CNTNAP2: variants seen among roughly 807,000 people sequenced by gnomAD.
The protein encoded by CNTNAP2 is contactin-associated protein-like 2.
Under a neutral mutation model 155.2 loss-of-function variants are expected in CNTNAP2, and 98 were observed. The ratio of observed to expected loss-of-function variants is 0.63; its 90% CI spans 0.54 to 0.75. The LOEUF (loss-of-function observed/expected upper bound fraction) is 0.75, where lower values mean the gene tolerates loss of function less well. CNTNAP2 is among the 30% of genes least tolerant of loss of function. The probability of loss-of-function intolerance (pLI) is 0.00; values close to 1 mark genes in which losing one functional copy is unlikely to be tolerated. For missense variants in CNTNAP2, 1,727 were observed against 1,688.1 expected (o/e 1.02, Z -0.40); for synonymous variants, 651 against 631.2 (o/e 1.03, Z -0.47).
chr7:147,026,830 C>G (rs1798930009), intron 3 of CNTNAP2, among the ~76,000 whole-genome samples: 1 of 150,400 alleles, frequency 6.6e-6, no homozygotes, highest in South Asian at 2.1e-4. Flanking sequence ...AAAATAAGCT[C>G]TCTACTTCTT....
chr7:147,088,738 A>G (rs1800333372), intron 4 of CNTNAP2, among the ~76,000 whole-genome samples: 1 of 152,128 alleles, frequency 6.6e-6, no homozygotes, highest in South Asian at 2.1e-4. Context: ...TGAGCCTACG[A>G]GTTCAAGATC....
At chr7:147,626,713 C>T (rs1794984390) in intron 12 of CNTNAP2, among the ~76,000 whole-genome samples, 1 of 152,186 alleles carries the variant, frequency 6.6e-6, no homozygotes, top group Admixed American at 6.5e-5. Context: ...GGCCAACCAA[C>T]TCAGGCCATT....
chr7:147,372,134 A>C (rs562658764), intron 9 of CNTNAP2, among the ~76,000 whole-genome samples: 1 of 152,246 alleles, frequency 6.6e-6, no homozygotes, highest in South Asian at 2.1e-4. Flanking sequence ...TCAGGCTGTC[A>C]TTCCATGTTA....
chr7:147,990,204 G>A (rs561681816), intron 15 of CNTNAP2, among the ~76,000 whole-genome samples: 37 of 152,298 alleles, frequency 2.4e-4, no homozygotes, highest in Non-Finnish European at 3.8e-4. Flanking sequence ...GGGTGAGGTC[G>A]GGGGAAGCTT....
At chr7:147,444,145 T>G (rs1358527653) in intron 10 of CNTNAP2, among the ~76,000 whole-genome samples, 1 of 152,248 alleles carries the variant, frequency 6.6e-6, no homozygotes, top group Non-Finnish European at 1.5e-5. Flanking sequence ...ATGTTGATAG[T>G]GAATCTATTT....
intron 1 of CNTNAP2, among the ~76,000 whole-genome samples, chr7:146,565,144 C>T (rs1206069416): frequency 6.6e-6 from 1 of 151,892 alleles, no homozygotes; most frequent in Non-Finnish European, 1.5e-5. Context: ...AACACACACA[C>T]ACATACACAC....
chr7:147,261,196 T>G (rs1165999470), intron 8 of CNTNAP2, among the ~76,000 whole-genome samples: 1 of 152,222 alleles, frequency 6.6e-6, no homozygotes, highest in Non-Finnish European at 1.5e-5. Flanking sequence ...GGTCACCCAT[T>G]AAATCACATG....
intron 6 of CNTNAP2, among the ~76,000 whole-genome samples, chr7:147,125,956 T>G (rs975445556): frequency 1.3e-5 from 2 of 152,190 alleles, no homozygotes; most frequent in Admixed American, 1.3e-4. Context: ...TTGCTCTTCC[T>G]CTATCCCTGT....
intron 1 of CNTNAP2, among the ~76,000 whole-genome samples, chr7:146,438,788 T>C (rs984668023): frequency 6.6e-6 from 1 of 151,646 alleles, no homozygotes; most frequent in Non-Finnish European, 1.5e-5. Flanking sequence ...TTATTGAGCT[T>C]TGGTTGATAT....
intron 1 of CNTNAP2, among the ~76,000 whole-genome samples, chr7:146,355,666 T>A (rs1162340568): frequency 1.3e-5 from 2 of 152,216 alleles, no homozygotes; most frequent in African/African-American, 4.8e-5. Flanking sequence ...TACAGTTAGA[T>A]ACTATAAGTG....
chr7:146,303,753 G>A (rs1800656758), intron 1 of CNTNAP2, among the ~76,000 whole-genome samples: 1 of 152,112 alleles, frequency 6.6e-6, no homozygotes, highest in Non-Finnish European at 1.5e-5. Context: ...CTTGATTTGG[G>A]GTGAAGAGTT....
At chr7:147,503,537 A>G (rs994452636) in intron 11 of CNTNAP2, among the ~76,000 whole-genome samples, 13 of 151,982 alleles carry the variant, frequency 8.6e-5, no homozygotes, top group African/African-American at 2.7e-4. Context: ...CAGCTCCGTT[A>G]TGCCATCCCC....
At chr7:146,839,272 A>G (rs1428304887) in intron 2 of CNTNAP2, among the ~76,000 whole-genome samples, 2 of 152,092 alleles carry the variant, frequency 1.3e-5, no homozygotes, top group Non-Finnish European at 2.9e-5. Context: ...TCACAAGAAA[A>G]ATATATTTTA....
intron 5 of CNTNAP2, among the ~76,000 whole-genome samples, chr7:147,117,860 G>T (rs557495435): frequency 6.6e-6 from 1 of 152,110 alleles, no homozygotes; most frequent in East Asian, 1.9e-4. Context: ...AGACACAATA[G>T]CTTCTATAAC....
chr7:147,639,341 A>ATCTCAGC (rs1286948099), intron 13 of CNTNAP2, 35 bp downstream of exon 13: 2 of 1,594,892 alleles, frequency 1.3e-6, no homozygotes, highest in Non-Finnish European at 1.7e-6. Flanking sequence ...TTTAATCACT[A>ATCTCAGC]TCTCAGCTGG....
intron 1 of CNTNAP2, among the ~76,000 whole-genome samples, chr7:146,307,258 A>G (rs1057204599): frequency 2.6e-5 from 4 of 152,164 alleles, no homozygotes; most frequent in Non-Finnish European, 5.9e-5. Context: ...AATACCTAGG[A>G]ATGCAACTTA....
intron 1 of CNTNAP2, among the ~76,000 whole-genome samples, chr7:146,666,675 T>A (rs1469929088): frequency 2.0e-5 from 3 of 152,202 alleles, no homozygotes; most frequent in Admixed American, 2.0e-4. Flanking sequence ...GTTTTGTCTT[T>A]TTGATAATAG....
chr7:147,194,281 C>T (rs1390085354), intron 8 of CNTNAP2, among the ~76,000 whole-genome samples: 1 of 152,062 alleles, frequency 6.6e-6, no homozygotes, highest in Non-Finnish European at 1.5e-5. Context: ...TTATGGCCGC[C>T]TAGTATTCCA....
chr7:146,698,491 A>G (rs1179469383), intron 1 of CNTNAP2, among the ~76,000 whole-genome samples: 1 of 152,108 alleles, frequency 6.6e-6, no homozygotes, highest in East Asian at 1.9e-4. Context: ...TCTTGCTTAC[A>G]TGATTCTATA....
Sources: allele counts gnomAD v4.1 joint callset (sites outside exome capture counted in the v4.1 genomes callset), GRCh38; gene constraint gnomAD v4.1.1; transcripts MANE v1.5; gene names NCBI Gene and HGNC (gene_info 2026-07-23, HGNC 2026-07-21).